The following ATRN variants were observed in gnomAD, a reference collection of about 807,000 sequenced individuals.
ATRN encodes attractin-2.
Under a neutral mutation model 178.7 loss-of-function variants are expected in ATRN, and 54 were observed. The ratio of observed to expected loss-of-function variants is 0.30; its 90% CI spans 0.24 to 0.38. The LOEUF (loss-of-function observed/expected upper bound fraction) is 0.38. Ranked by LOEUF, ATRN falls within the 10% of genes least tolerant of loss-of-function variation. ATRN has a pLI of 1.00. For synonymous variants in ATRN, 636 were observed against 663.0 expected, an observed-to-expected ratio of 0.96 and a Z score of 0.63; for missense variants, 1,443 against 1,815.1, an observed-to-expected ratio of 0.79 and a Z score of 3.73.
intron 1 of ATRN, among the ~76,000 whole-genome samples, chr20:3,525,139 A>C (rs1012070554): frequency 2.0e-5 from 3 of 151,516 alleles, no homozygotes; most frequent in Non-Finnish European, 4.4e-5. Context: ...AGATTAAGAA[A>C]ATAGACTGCT....
intron 1 of ATRN, among the ~76,000 whole-genome samples, chr20:3,518,287 C>G: frequency 6.6e-6 from 1 of 152,196 alleles, no homozygotes; most frequent in Non-Finnish European, 1.5e-5. Context: ...CGGTTGCTCC[C>G]CTGCCTGCAG....
intron 24 of ATRN, among the ~76,000 whole-genome samples, chr20:3,615,168 G>T (rs934619179): frequency 6.6e-6 from 1 of 152,022 alleles, no homozygotes; most frequent in African/African-American, 2.4e-5. Context: ...ATATGGTTGT[G>T]CTGTAATTCT....
At chr20:3,503,891 G>A (rs1441363056) in intron 1 of ATRN, among the ~76,000 whole-genome samples, 4 of 152,136 alleles carry the variant, frequency 2.6e-5, no homozygotes, top group Admixed American at 6.5e-5. Flanking sequence ...TAAACCCAGT[G>A]AAACACCAAG....
chr20:3,563,989 T>C (rs929320848), intron 10 of ATRN, among the ~76,000 whole-genome samples: 2 of 152,218 alleles, frequency 1.3e-5, no homozygotes, highest in Admixed American at 1.3e-4. Flanking sequence ...ACTGTCTTCA[T>C]CTTGTAAGAC....
chr20:3,644,583 T>A (rs544807713), intron 28 of ATRN, among the ~76,000 whole-genome samples: 4 of 152,282 alleles, frequency 2.6e-5, no homozygotes, highest in African/African-American at 9.6e-5. Context: ...CCTTTGCCTC[T>A]GCTGCTCTTT....
At chr20:3,497,794 T>G (rs1223890027) in intron 1 of ATRN, among the ~76,000 whole-genome samples, 1 of 152,188 alleles carries the variant, frequency 6.6e-6, no homozygotes, top group Non-Finnish European at 1.5e-5. Flanking sequence ...CACTTTCAGG[T>G]ACACCAATCA....
At chr20:3,490,306 G>T in intron 1 of ATRN, 1 of 1,044,702 alleles carries the variant, frequency 9.6e-7, no homozygotes, top group Admixed American at 1.7e-5. Context: ...CTCCAGCATG[G>T]GTCAGAGCGC....
chr20:3,640,095 G>A (rs907513711), intron 27 of ATRN, among the ~76,000 whole-genome samples: 2 of 152,202 alleles, frequency 1.3e-5, no homozygotes, highest in Admixed American at 1.3e-4. Flanking sequence ...TAATATAACT[G>A]TGTATGAAAT....
At chr20:3,482,201 C>T (rs1347493943) in intron 1 of ATRN, among the ~76,000 whole-genome samples, 1 of 151,256 alleles carries the variant, frequency 6.6e-6, no homozygotes, top group Non-Finnish European at 1.5e-5. Flanking sequence ...TTTGACCTTA[C>T]TCTATTTAAA....
Position 3,581,781 on chromosome 20 carries a change from A to ATC in ATRN, c.2545-352_2545-351dup, listed in dbSNP as rs530125169. 6.6e-4 allele frequency among the ~76,000 whole-genome samples: 101 copies of ATC among 152,302 alleles called. 1 individual carries two copies. Among genetic ancestry groups the ATC allele is most frequent in the African/African-American group, 2.4e-3 (98 of 41,566 alleles). Reference sequence around the variant, plus strand: ...AATTTCTGTGAATTTTTGATATATTATCTTCTCTGAGCTACATTTTTATCC... The same window carrying ATC: ...AATTTCTGTGAATTTTTGATATATTATCTCTTCTCTGAGCTACATTTTTATCC... On this transcript the variant is annotated intron_variant, in intron 15 of 28. Transcript: ENST00000262919.
intron 18 of ATRN, among the ~76,000 whole-genome samples, chr20:3,585,627 C>T (rs1354212350): frequency 6.6e-6 from 1 of 152,148 alleles, no homozygotes; most frequent in Non-Finnish European, 1.5e-5. Context: ...TCTGCTTTTT[C>T]ATGAATATCA....
chr20:3,606,505 C>G lies in ATRN; in HGVS notation c.3801+2243C>G, dbSNP rs377597395. Among the ~76,000 whole-genome samples the G allele has an allele frequency of 7.9e-5, 12 of 152,288 alleles. No homozygotes were observed. In the South Asian group the frequency reaches 1.9e-3, roughly 24 times the overall value. On this transcript the variant is annotated intron_variant, in intron 24 of 28. Coordinates refer to ENST00000262919, the MANE Select transcript of ATRN (RefSeq NM_139321.3). ...GTGATTCTCAGTGCTGTCTCCAGAC[C>G]GGCACTGGCAGTTGCTGCCTGGACA...
At chr20:3,561,327 C>G (rs569387217) in intron 8 of ATRN, among the ~76,000 whole-genome samples, 43 of 151,860 alleles carry the variant, frequency 2.8e-4, no homozygotes, top group African/African-American at 9.9e-4. Context: ...CGTCTCAAAA[C>G]AAACAAACAA....
intron 22 of ATRN, among the ~76,000 whole-genome samples, chr20:3,599,726 C>T (rs1568756098): frequency 6.6e-6 from 1 of 152,120 alleles, no homozygotes; most frequent in Admixed American, 6.5e-5. Flanking sequence ...TGGGCATGCT[C>T]AGGGGGTCCT....
At position 3,594,582 on chromosome 20, in the gene ATRN, A is replaced by G. The variant is rs1481066229; in HGVS notation, c.3416+10A>G. ...GGGACGAGTGCCAGCTGTGAGTACC[A>G]TACTCCCTGGACCACCAGGGAGGAC... On this transcript the variant is annotated intron_variant, in intron 20 of 28. Transcript: ENST00000262919. 1.1e-5 allele frequency: 17 copies of G among 1,606,736 alleles called. No homozygotes were observed. The highest frequency in any genetic ancestry group is 1.4e-5 in the Non-Finnish European group (16 of 1,175,402).
chr20:3,548,119 A>T (rs2085734607), intron 5 of ATRN, among the ~76,000 whole-genome samples: 1 of 152,200 alleles, frequency 6.6e-6, no homozygotes, highest in Non-Finnish European at 1.5e-5. Flanking sequence ...TTGCAGCAGA[A>T]GCCAAACCTC....
At chr20:3,550,892 T>C (rs547511040) in intron 6 of ATRN, among the ~76,000 whole-genome samples, 1 of 152,324 alleles carries the variant, frequency 6.6e-6, no homozygotes, top group East Asian at 1.9e-4. Context: ...TTCCAGACTC[T>C]ACCTCAGCAA....
chr20:3,613,376 T>G (rs2086793128), intron 24 of ATRN, among the ~76,000 whole-genome samples: 1 of 152,224 alleles, frequency 6.6e-6, no homozygotes, highest in Non-Finnish European at 1.5e-5. Flanking sequence ...TTGGGGACCG[T>G]ATCTGGCTGT....
At chr20:3,566,733 C>T (rs570028536) in intron 11 of ATRN, among the ~76,000 whole-genome samples, 26 of 152,040 alleles carry the variant, frequency 1.7e-4, no homozygotes, top group African/African-American at 4.3e-4. Context: ...GCAAAACCCC[C>T]GTCTCTTCCT....
Sources: allele counts gnomAD v4.1 joint callset (sites outside exome capture counted in the v4.1 genomes callset), GRCh38; gene constraint gnomAD v4.1.1; transcripts MANE v1.5; gene names NCBI Gene and HGNC (gene_info 2026-07-23, HGNC 2026-07-21).